The following MGAT4C variants were observed in gnomAD, a reference collection of about 807,000 sequenced individuals.
MGAT4C encodes the protein MGAT4 family member C.
In MGAT4C, 19 loss-of-function variants were observed where a neutral mutation model predicts 40.1. That is an observed-to-expected ratio of 0.47 (90% confidence interval 0.33 to 0.70). The LOEUF (loss-of-function observed/expected upper bound fraction) is 0.70. MGAT4C is among the 30% of genes least tolerant of loss of function. The probability of loss-of-function intolerance (pLI) is 0.02; values close to 1 mark genes in which losing one functional copy is unlikely to be tolerated. For synonymous variants in MGAT4C, 181 were observed against 187.1 expected (o/e 0.97, Z 0.27); for missense variants, 491 against 563.2 (o/e 0.87, Z 1.30).
intron 2 of MGAT4C, chr12:86,001,399 A>AT (rs2136775181): frequency 6.5e-6 from 1 of 153,394 alleles, no homozygotes; most frequent in South Asian, 2.1e-4. Context: ...CAGTGTTATA[A>AT]TTTTTTCTTT....
At chr12:86,240,568 C>T (rs971016029) in intron 1 of MGAT4C, among the ~76,000 whole-genome samples, 4 of 151,980 alleles carry the variant, frequency 2.6e-5, no homozygotes, top group Non-Finnish European at 5.9e-5. Context: ...CTACTTTTAA[C>T]CAAAATTCAG....
chr12:86,423,658 G>A (rs2136259562), intron 3 of MGAT4C, among the ~76,000 whole-genome samples: 1 of 152,162 alleles, frequency 6.6e-6, no homozygotes, highest in African/African-American at 2.4e-5. Context: ...ACTCATGGTA[G>A]AAAGAATTGA....
At chr12:86,819,236 T>TA (rs1195079094) in intron 1 of MGAT4C, among the ~76,000 whole-genome samples, 2 of 150,940 alleles carry the variant, frequency 1.3e-5, no homozygotes, top group African/African-American at 2.4e-5. Flanking sequence ...AAATGAGAAA[T>TA]AAAAAACTGA....
At chr12:86,216,925 A>G (rs1429098975) in intron 1 of MGAT4C, among the ~76,000 whole-genome samples, 1 of 152,186 alleles carries the variant, frequency 6.6e-6, no homozygotes, top group East Asian at 1.9e-4. Flanking sequence ...GATGATGACT[A>G]GCTGCTTTGT....
intron 1 of MGAT4C, among the ~76,000 whole-genome samples, chr12:86,769,209 A>G (rs1951580262): frequency 6.6e-6 from 1 of 152,214 alleles, no homozygotes; most frequent in African/African-American, 2.4e-5. Flanking sequence ...TTGGCCAAGG[A>G]CATGAACAGA....
At chr12:85,985,295 C>T (rs191152067) in intron 3 of MGAT4C, among the ~76,000 whole-genome samples, 22 of 152,236 alleles carry the variant, frequency 1.4e-4, no homozygotes, top group Admixed American at 9.8e-4. Flanking sequence ...TCGCATCAAT[C>T]TCGAGTGACA....
rs1431035811 is a variant in MGAT4C at position 85,960,547 on chromosome 12, T to TA, written c.*18741dup. ...ATCCTTCATTCTTTTTTTCTCCCCTTACTCCTTTGATTTTCAGACTAATTT... is the reference window on the plus strand; with the variant it reads ...ATCCTTCATTCTTTTTTTCTCCCCTTAACTCCTTTGATTTTCAGACTAATTT... On this transcript the variant is annotated 3_prime_UTR_variant, in exon 5 of 5. Coordinates refer to ENST00000611864, the MANE Select transcript of MGAT4C (RefSeq NM_001351288.2). The TA allele has an allele frequency of 6.6e-6, 1 of 152,036 alleles. No individual in the cohort carries two copies. The highest frequency in any genetic ancestry group is 1.5e-5 in the Non-Finnish European group (1 of 67,920). 9.4% of individuals were successfully genotyped at this position (152,036 alleles called of 1,614,324 possible). A position where few individuals can be genotyped will look rare whatever the true frequency, so the allele number is the denominator to read the frequency against.
intron 1 of MGAT4C, among the ~76,000 whole-genome samples, chr12:86,771,265 A>C (rs570542984): frequency 4.1e-4 from 63 of 152,256 alleles, no homozygotes; most frequent in Admixed American, 7.2e-4. Context: ...ACTCATTCTG[A>C]GGCACTTTGT....
intron 2 of MGAT4C, among the ~76,000 whole-genome samples, chr12:86,486,270 G>A (rs1237003142): frequency 1.3e-5 from 2 of 151,730 alleles, no homozygotes; most frequent in East Asian, 3.9e-4. Context: ...GAGTAGAAAG[G>A]TCTATGAAAA....
Position 86,603,242 on chromosome 12 carries a change from A to G in MGAT4C, c.-229+123967T>C, listed in dbSNP as rs1372785345. 4.2e-5 allele frequency among the ~76,000 whole-genome samples: 6 copies of G among 144,442 alleles called. No homozygotes were observed. The East Asian group carries it at 8.0e-4, about 19-fold the overall frequency. 94.8% of individuals were successfully genotyped at this position (144,442 alleles called of 152,430 possible). ...TATAATATAATATAATATATTATAT[A>G]ATGGTATATATACTATATAACTATA... On this transcript the variant is annotated intron_variant, in intron 2 of 7. Transcript: ENST00000548651.
intron 1 of MGAT4C, among the ~76,000 whole-genome samples, chr12:86,220,012 A>G (rs895678294): frequency 1.3e-5 from 2 of 152,172 alleles, no homozygotes; most frequent in Non-Finnish European, 2.9e-5. Context: ...TTTTGGAATT[A>G]GCACCAGAGA....
At chr12:86,607,687 AG>A (rs1962092497) in intron 2 of MGAT4C, among the ~76,000 whole-genome samples, 1 of 152,202 alleles carries the variant, frequency 6.6e-6, no homozygotes, top group Non-Finnish European at 1.5e-5. Context: ...AATCATAGAT[AG>A]GATTAGCCTT....
intron 1 of MGAT4C, among the ~76,000 whole-genome samples, chr12:86,220,776 C>T (rs1038146038): frequency 1.3e-5 from 2 of 152,130 alleles, no homozygotes; most frequent in African/African-American, 2.4e-5. Flanking sequence ...CAATTGGAAA[C>T]TGAACATTGG....
At chr12:86,463,246 T>C (rs1592877410) in intron 2 of MGAT4C, among the ~76,000 whole-genome samples, 1 of 152,186 alleles carries the variant, frequency 6.6e-6, no homozygotes, top group Non-Finnish European at 1.5e-5. Flanking sequence ...AAAATCACCA[T>C]TGAGCAATCA....
In MGAT4C at chr12:86,520,111, T is replaced by C. The variant is rs112074433; in HGVS notation, c.-228-84846A>G. Among the ~76,000 whole-genome samples the C allele has an allele frequency of 3.3e-3, 510 of 152,316 alleles. 1 individual carries two copies. The highest frequency in any genetic ancestry group is 0.012 in the African/African-American group (493 of 41,580). On this transcript the variant is annotated intron_variant, in intron 2 of 7. Coordinates refer to the MGAT4C transcript ENST00000548651. ...GCAGAGTACATGTGCAGATTTGTTC[T>C]ATGGGTAAACTTGTGTCATGGGGGT...
chr12:86,429,524 C>T (rs1375537394), intron 3 of MGAT4C, among the ~76,000 whole-genome samples: 1 of 152,056 alleles, frequency 6.6e-6, no homozygotes, highest in East Asian at 1.9e-4. Flanking sequence ...ACTGATTTTC[C>T]ATCTGGGTGA....
intron 2 of MGAT4C, among the ~76,000 whole-genome samples, chr12:86,586,020 T>C (rs970029090): frequency 3.3e-5 from 5 of 150,826 alleles, no homozygotes; most frequent in African/African-American, 9.7e-5. Context: ...TACATAGGTA[T>C]ACATGTGCCA....
chr12:86,399,603 G>A (rs573522690), intron 3 of MGAT4C, among the ~76,000 whole-genome samples: 5 of 152,022 alleles, frequency 3.3e-5, no homozygotes, highest in East Asian at 3.9e-4. Flanking sequence ...ATTTCTACAC[G>A]GTTGTCCTTG....
chr12:86,670,487 A>C (rs1964227124), intron 2 of MGAT4C, among the ~76,000 whole-genome samples: 1 of 152,148 alleles, frequency 6.6e-6, no homozygotes, highest in Non-Finnish European at 1.5e-5. Context: ...AAAGAATTTC[A>C]GAGCTTGAGG....
Sources: allele counts gnomAD v4.1 joint callset (sites outside exome capture counted in the v4.1 genomes callset), GRCh38; gene constraint gnomAD v4.1.1; transcripts MANE v1.5; gene names NCBI Gene and HGNC (gene_info 2026-07-23, HGNC 2026-07-21).